ASIC2: variants seen among roughly 807,000 people sequenced by gnomAD.
ASIC2 encodes the protein acid sensing ion channel subunit 2.
ASIC2 carries 25 observed loss-of-function variants against 57.3 expected under a neutral mutation model. That is an observed-to-expected ratio of 0.44 (90% CI 0.32 to 0.61). ASIC2 has a LOEUF of 0.61. ASIC2 is among the 20% of genes least tolerant of loss of function. The pLI, the probability that ASIC2 is intolerant of heterozygous loss-of-function variation, is 0.06. For missense variants in ASIC2, 641 were observed against 738.1 expected (o/e 0.87, Z 1.52); for synonymous variants, 319 against 307.5 (o/e 1.04, Z -0.39).
chr17:33,997,237 G>T (rs1048474201), intron 1 of ASIC2, among the ~76,000 whole-genome samples: 3 of 151,628 alleles, frequency 2.0e-5, no homozygotes, highest in African/African-American at 7.3e-5. Context: ...GACCTCCTGG[G>T]CTCAAGCTAT....
chr17:34,050,686 C>A (rs1054466545), intron 1 of ASIC2, among the ~76,000 whole-genome samples: 2 of 152,170 alleles, frequency 1.3e-5, no homozygotes, highest in African/African-American at 4.8e-5. Flanking sequence ...AATACATCAC[C>A]CGAACCTCAA....
At chr17:33,293,547 A>C (rs1905598747), upstream of ASIC2, among the ~76,000 whole-genome samples, 1 of 152,078 alleles carries the variant, frequency 6.6e-6, no homozygotes, top group African/African-American at 2.4e-5. Context: ...CATTGTGCTG[A>C]TGTGGCCCCA....
At chr17:33,888,334 C>T (rs1284723251) in intron 1 of ASIC2, among the ~76,000 whole-genome samples, 11 of 152,102 alleles carry the variant, frequency 7.2e-5, no homozygotes, top group Admixed American at 7.2e-4. Flanking sequence ...TGTGGGGGTG[C>T]TGCAAGCTCA....
intron 1 of ASIC2, among the ~76,000 whole-genome samples, chr17:33,437,397 T>A (rs1162872613): frequency 6.6e-6 from 1 of 152,250 alleles, no homozygotes; most frequent in Non-Finnish European, 1.5e-5. Flanking sequence ...AACATCATTA[T>A]ATAGTTAATG....
intron 1 of ASIC2, among the ~76,000 whole-genome samples, chr17:33,964,306 C>T (rs1905014183): frequency 6.6e-6 from 1 of 152,184 alleles, no homozygotes; most frequent in African/African-American, 2.4e-5. Context: ...TCACCCCTCT[C>T]CCCCAGAGGA....
intron 1 of ASIC2, among the ~76,000 whole-genome samples, chr17:33,285,703 T>C (rs1178687732): frequency 6.6e-6 from 1 of 152,252 alleles, no homozygotes; most frequent in Non-Finnish European, 1.5e-5. Context: ...TCAGGAGGAC[T>C]TGGGTTCAAA....
intron 1 of ASIC2, among the ~76,000 whole-genome samples, chr17:33,965,829 A>G (rs1905058851): frequency 6.6e-6 from 1 of 152,208 alleles, no homozygotes; most frequent in Non-Finnish European, 1.5e-5. Context: ...AAGTAGCAGG[A>G]GATCTGGGGA....
chr17:33,137,693 T>C (rs1485339664), intron 1 of ASIC2, among the ~76,000 whole-genome samples: 3 of 152,210 alleles, frequency 2.0e-5, no homozygotes, highest in African/African-American at 4.8e-5. Context: ...TTTCCATGGC[T>C]GGCAGATGTT....
At chr17:33,747,632 A>C (rs1030519453) in intron 1 of ASIC2, among the ~76,000 whole-genome samples, 14 of 152,274 alleles carry the variant, frequency 9.2e-5, no homozygotes, top group Non-Finnish European at 1.9e-4. Flanking sequence ...TGCTGCTGTC[A>C]GGTCATGCCA....
intron 1 of ASIC2, among the ~76,000 whole-genome samples, chr17:33,756,440 G>T (rs893855217): frequency 5.3e-5 from 8 of 152,234 alleles, no homozygotes; most frequent in Non-Finnish European, 8.8e-5. Context: ...ACACACTAGG[G>T]AGGGGACCTG....
chr17:33,938,038 T>G (rs1208194780), intron 1 of ASIC2, among the ~76,000 whole-genome samples: 1 of 152,178 alleles, frequency 6.6e-6, no homozygotes, highest in African/African-American at 2.4e-5. Flanking sequence ...GCCTTTAAGT[T>G]TATTTCCTCC....
intron 1 of ASIC2, among the ~76,000 whole-genome samples, chr17:33,876,280 G>A (rs1329899539): frequency 6.6e-6 from 1 of 152,192 alleles, no homozygotes; most frequent in African/African-American, 2.4e-5. Flanking sequence ...AAGAGAAGAG[G>A]AGTCTTAGTG....
intron 1 of ASIC2, among the ~76,000 whole-genome samples, chr17:33,269,981 G>A (rs536222216): frequency 8.5e-5 from 13 of 152,242 alleles, no homozygotes; most frequent in African/African-American, 3.1e-4. Flanking sequence ...ATGCCTCTCT[G>A]CTCCATCCAT....
intron 2 of ASIC2, among the ~76,000 whole-genome samples, chr17:33,094,670 C>G (rs1240712446): frequency 6.6e-6 from 1 of 152,120 alleles, no homozygotes; most frequent in African/African-American, 2.4e-5. Flanking sequence ...GGGATGGAGA[C>G]CTCACTCCCT....
At chr17:33,713,359 G>T (rs1232609742) in intron 1 of ASIC2, among the ~76,000 whole-genome samples, 9 of 152,252 alleles carry the variant, frequency 5.9e-5, no homozygotes, top group Non-Finnish European at 1.3e-4. Context: ...TCTTTCTGAA[G>T]GCTAGAGGGG....
chr17:33,310,159 C>A (rs984977194), intron 1 of ASIC2, among the ~76,000 whole-genome samples: 15 of 151,600 alleles, frequency 9.9e-5, no homozygotes, highest in African/African-American at 3.4e-4. Context: ...CTCTTAATCC[C>A]TTTGATATCC....
intron 1 of ASIC2, among the ~76,000 whole-genome samples, chr17:33,394,590 G>A (rs2141954681): frequency 6.6e-6 from 1 of 152,334 alleles, no homozygotes; most frequent in Admixed American, 6.5e-5. Context: ...AGAGACTAGA[G>A]CAGAGCTGAG....
At chr17:33,867,178 T>C (rs1914263340) in intron 1 of ASIC2, among the ~76,000 whole-genome samples, 1 of 152,184 alleles carries the variant, frequency 6.6e-6, no homozygotes, top group African/African-American at 2.4e-5. Context: ...AGAAAGAGCT[T>C]CATAGAAAAT....
chr17:33,769,444 G>A (rs1911031217), intron 1 of ASIC2, among the ~76,000 whole-genome samples: 1 of 152,160 alleles, frequency 6.6e-6, no homozygotes, highest in African/African-American at 2.4e-5. Context: ...TGCCCCTGCT[G>A]GAAGTCCAGC....
Sources: allele counts gnomAD v4.1 joint callset (sites outside exome capture counted in the v4.1 genomes callset), GRCh38; gene constraint gnomAD v4.1.1; transcripts MANE v1.5; gene names NCBI Gene and HGNC (gene_info 2026-07-23, HGNC 2026-07-21).